The following PROS1 variants were observed in gnomAD, a reference collection of about 807,000 sequenced individuals.
The protein encoded by PROS1 is vitamin K-dependent protein S.
PROS1 carries 29 observed loss-of-function variants against 75.9 expected under a neutral mutation model. That is an observed-to-expected ratio of 0.38 (90% CI 0.28 to 0.52). PROS1 has a LOEUF of 0.52. PROS1 is among the 20% of genes least tolerant of loss of function. The pLI is 0.83. For missense variants in PROS1, 680 were observed against 810.3 expected (o/e 0.84, Z 1.95); for synonymous variants, 245 against 280.6 (o/e 0.87, Z 1.27).
At chr3:93,910,548 A>C in intron 4 of PROS1, 71 bp downstream of exon 4, 1 of 1,260,172 alleles carries the variant, frequency 7.9e-7, no homozygotes. Flanking sequence ...ACGTTAGTTT[A>C]TATTACCATG....
intron 1 of PROS1, among the ~76,000 whole-genome samples, chr3:93,943,150 C>A (rs1328126541): frequency 4.6e-5 from 7 of 152,072 alleles, no homozygotes; most frequent in Non-Finnish European, 5.9e-5. Flanking sequence ...TTCAGTAGAA[C>A]CTTCATACCC....
intron 1 of PROS1, among the ~76,000 whole-genome samples, chr3:93,956,589 C>CAT (rs58358280): frequency 6.8e-6 from 1 of 147,532 alleles, no homozygotes; most frequent in Non-Finnish European, 1.5e-5. Context: ...CACACACACA[C>CAT]GTTATCAGAA....
intron 10 of PROS1, among the ~76,000 whole-genome samples, chr3:93,890,674 T>C (rs1708418998): frequency 6.6e-6 from 1 of 152,224 alleles, no homozygotes; most frequent in Non-Finnish European, 1.5e-5. Flanking sequence ...GTTTCCCCGA[T>C]ATGCTATAGT....
chr3:93,896,666 T>A lies in PROS1; in HGVS notation c.875A>T (p.Asn292Ile). The change falls in exon 9 of 15, where the codon AAC (asparagine) becomes ATC (isoleucine). Residue 292 changes from asparagine (N) to isoleucine (I), a missense_variant. By Grantham distance (149) the Asn-to-Ile change is moderately radical (BLOSUM62 -3). Coordinates refer to ENST00000394236, the MANE Select transcript of PROS1 (RefSeq NM_000313.4). ...CEVVSVCLPL[N>I]LDTKYELLYL... ...AAGTAATTCATACTTTGTGTCAAGG[T>A]TCAAGGGAAGGCACACTGAAACAAC... 6.2e-7 allele frequency: 1 copy of A among 1,613,560 alleles called. No individual in the cohort carries two copies. The highest frequency in any genetic ancestry group is 8.5e-7 in the Non-Finnish European group (1 of 1,179,658).
intron 1 of PROS1, among the ~76,000 whole-genome samples, chr3:93,957,174 T>A (rs1709616441): frequency 6.6e-6 from 1 of 152,180 alleles, no homozygotes; most frequent in African/African-American, 2.4e-5. Flanking sequence ...AAGGGTGATA[T>A]AGACTTTAAC....
intron 1 of PROS1, among the ~76,000 whole-genome samples, chr3:93,939,520 C>T (rs1709246757): frequency 6.6e-6 from 1 of 152,114 alleles, no homozygotes; most frequent in Non-Finnish European, 1.5e-5. Flanking sequence ...CTTCTATCAC[C>T]TCCCTTCCTT....
chr3:93,960,445 G>A (rs1709688290), intron 1 of PROS1, among the ~76,000 whole-genome samples: 1 of 150,860 alleles, frequency 6.6e-6, no homozygotes, highest in African/African-American at 2.4e-5. Flanking sequence ...CAAAGTGCTG[G>A]GATTACAGCC....
At chr3:93,877,694 A>G (rs1708212075) in intron 13 of PROS1, among the ~76,000 whole-genome samples, 1 of 152,248 alleles carries the variant, frequency 6.6e-6, no homozygotes, top group East Asian at 1.9e-4. Context: ...AAGAAAAACC[A>G]GGGATTGCCA....
At chr3:93,962,750 A>G (rs1400605472) in intron 1 of PROS1, among the ~76,000 whole-genome samples, 3 of 152,090 alleles carry the variant, frequency 2.0e-5, no homozygotes, top group Non-Finnish European at 2.9e-5. Flanking sequence ...AGAGCAGTGG[A>G]CTCTCAGTGG....
chr3:93,878,381 A>G (rs1257111546), intron 13 of PROS1, among the ~76,000 whole-genome samples: 1 of 152,230 alleles, frequency 6.6e-6, no homozygotes, highest in Non-Finnish European at 1.5e-5. Context: ...TCATACTTTA[A>G]GTTGCAAACA....
At chr3:93,941,806 C>T (rs1709292276) in intron 1 of PROS1, among the ~76,000 whole-genome samples, 2 of 152,106 alleles carry the variant, frequency 1.3e-5, no homozygotes, top group South Asian at 4.1e-4. Flanking sequence ...TTTTAGAGGC[C>T]CTCAAAATCA....
intron 1 of PROS1, among the ~76,000 whole-genome samples, chr3:93,948,277 T>TAA (rs35649343): frequency 8.6e-5 from 12 of 139,710 alleles, no homozygotes; most frequent in Admixed American, 1.4e-4. Flanking sequence ...CTGCCATCCA[T>TAA]AAAAAAAAAA....
At position 93,886,463 on chromosome 3, in the gene PROS1, ATT is replaced by A. The variant is rs1559930123; in HGVS notation, c.1194_1195del (p.Lys398AsnfsTer3). The A allele has an allele frequency of 1.9e-6, 3 of 1,611,718 alleles. No individual in the cohort carries two copies. Among genetic ancestry groups the A allele is most frequent in the Non-Finnish European group, 2.5e-6 (3 of 1,177,880 alleles). On this transcript the variant is annotated frameshift_variant, in exon 11 of 15. Transcript: ENST00000394236. LOFTEE classifies it high-confidence loss of function. Reference sequence around the variant, plus strand: ...TATATCCATCACAGCTTCTTTAGCTATTTTAATGCTAATACTATGTTCTAATT... The same window carrying A: ...TATATCCATCACAGCTTCTTTAGCTATTAATGCTAATACTATGTTCTAATT...
intron 1 of PROS1, among the ~76,000 whole-genome samples, chr3:93,958,179 T>C (rs1709639910): frequency 1.3e-5 from 2 of 152,244 alleles, no homozygotes; most frequent in South Asian, 4.1e-4. Flanking sequence ...TATGTTTTTG[T>C]AAGATATATG....
intron 1 of PROS1, among the ~76,000 whole-genome samples, chr3:93,971,014 T>C (rs376907505): frequency 1.3e-5 from 2 of 151,446 alleles, no homozygotes; most frequent in South Asian, 4.2e-4. Context: ...ACAAAAATAT[T>C]TTTTTAATCG....
intron 1 of PROS1, among the ~76,000 whole-genome samples, chr3:93,936,259 T>G (rs758729525): frequency 3.4e-4 from 51 of 151,960 alleles, no homozygotes; most frequent in Admixed American, 5.9e-4. Context: ...CTGATGACTA[T>G]TAAAGGGGGA....
chr3:93,945,472 G>A (rs549816121), intron 1 of PROS1, among the ~76,000 whole-genome samples: 1 of 152,120 alleles, frequency 6.6e-6, no homozygotes, highest in Non-Finnish European at 1.5e-5. Flanking sequence ...TGATCAAGTG[G>A]GGTTCATCCC....
chr3:93,913,780 G>A (rs555192936), intron 3 of PROS1, among the ~76,000 whole-genome samples: 1 of 152,074 alleles, frequency 6.6e-6, no homozygotes, highest in Non-Finnish European at 1.5e-5. Flanking sequence ...AAAGTCCAAA[G>A]TCCAAAGTCT....
intron 1 of PROS1, among the ~76,000 whole-genome samples, chr3:93,958,082 C>A (rs1252195683): frequency 6.6e-6 from 1 of 151,700 alleles, no homozygotes; most frequent in Non-Finnish European, 1.5e-5. Flanking sequence ...AGCAAGAATC[C>A]ATCTCAAAAA....
Sources: gnomAD v4.1 joint callset for allele counts (sites outside exome capture counted in the v4.1 genomes callset) on GRCh38, gnomAD v4.1.1 for gene constraint, MANE v1.5 for transcripts, NCBI Gene and HGNC (gene_info 2026-07-23, HGNC 2026-07-21) for gene names.